The following ELK4 variants were observed in gnomAD, a reference collection of about 807,000 sequenced individuals.
ELK4 encodes the protein ETS transcription factor ELK4, also known as ETS domain-containing protein Elk-4.
A neutral mutation model predicts 29.6 loss-of-function variants in ELK4; 16 were observed. The ratio of observed to expected loss-of-function variants is 0.54; its 90% CI spans 0.37 to 0.82. The LOEUF (loss-of-function observed/expected upper bound fraction) is 0.82. Among genes scored for constraint, ELK4 ranks in the 40% least tolerant of loss-of-function variants. The probability of loss-of-function intolerance (pLI) is 0.00; values close to 1 mark genes in which losing one functional copy is unlikely to be tolerated. For missense variants in ELK4, 465 were observed against 507.1 expected (o/e 0.92, Z 0.80); for synonymous variants, 213 against 191.1 (o/e 1.11, Z -0.95).
Position 205,614,722 on chromosome 1 carries a change from C to T in ELK4, c.*1824G>A, listed in dbSNP as rs1670204098. 8.9e-6 allele frequency: 2 copies of T among 225,046 alleles called. No homozygotes were observed. The highest frequency in any genetic ancestry group is 2.2e-5 in the African/African-American group (1 of 44,946). The allele number at this position is 225,046 out of a possible 1,614,324, so 13.9% of individuals were successfully genotyped here. On this transcript the variant is annotated 3_prime_UTR_variant, in exon 5 of 5. Transcript: ENST00000357992. Reference sequence around the variant, plus strand: ...ATATAAGCACATTTAAAGTAAATACCATGCATCTGAAGATGCTAGTTTGTA... The same window carrying T: ...ATATAAGCACATTTAAAGTAAATACTATGCATCTGAAGATGCTAGTTTGTA...
intron 4 of ELK4, among the ~76,000 whole-genome samples, 187 bp from the exon 5 acceptor site, chr1:205,616,831 C>G (rs950338748): frequency 3.9e-5 from 6 of 152,164 alleles, no homozygotes; most frequent in African/African-American, 1.2e-4. Context: ...ATCTTTTGTC[C>G]TAACATATTA....
chr1:205,619,698 G>A, intron 3 of ELK4: 1 of 1,432,276 alleles, frequency 7.0e-7, no homozygotes, highest in Non-Finnish European at 9.1e-7. Context: ...GAGAGAGTGT[G>A]TGTACTTTCT....
rs1575120098 is a variant in ELK4, at chr1:205,614,699, A to G, written c.*1847T>C. The G allele has an allele frequency of 4.5e-6, 1 of 224,124 alleles. No individual in the cohort carries two copies. The highest frequency in any genetic ancestry group is 8.9e-6 in the Non-Finnish European group (1 of 112,326). 13.9% of individuals were successfully genotyped at this position (224,124 alleles called of 1,614,324 possible). ...ATACAAGAGCTTCTCTACACTGTATATAAGCACATTTAAAGTAAATACCAT... is the reference window on the plus strand; with the variant it reads ...ATACAAGAGCTTCTCTACACTGTATGTAAGCACATTTAAAGTAAATACCAT... On this transcript the variant is annotated 3_prime_UTR_variant, in exon 5 of 5. Transcript: ENST00000357992.
At position 205,620,044 on chromosome 1, in the gene ELK4, C is replaced by A. The variant is rs1670303360; in HGVS notation, c.1002G>T (p.Thr334=). 3.1e-6 allele frequency: 5 copies of A among 1,614,058 alleles called. No homozygotes were observed. The South Asian group carries it at 5.5e-5, about 18-fold the overall frequency. ...GLELAPTLVI[T]SSDPSPLGIL... is the part of the protein sequence containing the mutation. ...TTCCCAGTGGGCTTGGATCACTGCT[C>A]GTGATCACAAGGGTGGGTGCCAGTT... The change falls in exon 3 of 5, where the codon ACG becomes ACT. Residue 334 remains threonine, a synonymous_variant. Transcript: ENST00000357992.
Position 205,608,911 on chromosome 1 carries a change from C to A in ELK4, c.*7635G>T, listed in dbSNP as rs898296256. 3 of 193,276 alleles carry A rather than the reference C, an allele frequency of 1.6e-5. No homozygotes were observed. The highest frequency in any genetic ancestry group is 3.2e-5 in the Non-Finnish European group (3 of 92,670). 12.0% of individuals were successfully genotyped at this position (193,276 alleles called of 1,614,324 possible). ...ATAACATATCTCTCCTGTGTTAACA[C>A]TGATGGAGACGCACTGCAATAGTCC... On this transcript the variant is annotated 3_prime_UTR_variant, in exon 5 of 5. Transcript: ENST00000357992.
intron 4 of ELK4, among the ~76,000 whole-genome samples, chr1:205,617,508 A>T (rs59862342): frequency 0.024 from 3,675 of 152,002 alleles, 172 homozygotes; most frequent in African/African-American, 0.083. Context: ...CATTTTTTTA[A>T]AAATGTACAT....
chr1:205,631,139 G>A (rs1670575505), intron 1 of ELK4, among the ~76,000 whole-genome samples: 1 of 152,224 alleles, frequency 6.6e-6, no homozygotes, highest in Admixed American at 6.5e-5. Flanking sequence ...GAGGGGCGGG[G>A]GGCCGCTGGA....
intron 4 of ELK4, among the ~76,000 whole-genome samples, chr1:205,617,674 G>A (rs1335469265): frequency 1.3e-5 from 2 of 151,958 alleles, no homozygotes; most frequent in Non-Finnish European, 2.9e-5. Flanking sequence ...GGCTGAGGCG[G>A]GCGGATCACC....
chr1:205,628,664 C>A (rs944479357), intron 1 of ELK4, among the ~76,000 whole-genome samples: 1 of 152,168 alleles, frequency 6.6e-6, no homozygotes, highest in African/African-American at 2.4e-5. Flanking sequence ...ATAATGAGCA[C>A]CCAAGGAGAC....
In ELK4 at chr1:205,608,312, A is replaced by T. The variant is rs938788718; in HGVS notation, c.*8234T>A. 1 of 198,450 alleles carries T rather than the reference A, an allele frequency of 5.0e-6. No homozygotes were observed. Among genetic ancestry groups the T allele is most frequent in the African/African-American group, 2.3e-5 (1 of 43,378 alleles). The allele number at this position is 198,450 out of a possible 1,614,324, so 12.3% of individuals were successfully genotyped here. On this transcript the variant is annotated 3_prime_UTR_variant, in exon 5 of 5. Coordinates refer to ENST00000357992, the MANE Select transcript of ELK4 (RefSeq NM_001973.4). ...TTTTTCAAGCAGCATATTATTATAA[A>T]GCCCTCAAAGTGCTTTTGCATCCTT...
chr1:205,621,058 G>A (rs1039273714), intron 2 of ELK4, among the ~76,000 whole-genome samples: 2 of 151,906 alleles, frequency 1.3e-5, no homozygotes, highest in African/African-American at 4.8e-5. Flanking sequence ...TGCAGGGCAT[G>A]GTGGCGTGCG....
intron 4 of ELK4, among the ~76,000 whole-genome samples, chr1:205,617,489 G>A (rs540887866): frequency 3.9e-5 from 6 of 151,928 alleles, no homozygotes; most frequent in East Asian, 1.9e-4. Flanking sequence ...TTGGTGAAGA[G>A]ATAATATTCA....
chr1:205,617,590 C>G (rs1019944786), intron 4 of ELK4, among the ~76,000 whole-genome samples: 9 of 151,514 alleles, frequency 5.9e-5, no homozygotes, highest in Admixed American at 5.9e-4. Context: ...TTTTCAAGAC[C>G]TTTCTCTATT....
Position 205,611,766 on chromosome 1 carries a change from T to G in ELK4, c.*4780A>C, listed in dbSNP as rs187990763. On this transcript the variant is annotated 3_prime_UTR_variant, in exon 5 of 5. Coordinates refer to ENST00000357992, the MANE Select transcript of ELK4 (RefSeq NM_001973.4). Reference sequence around the variant, plus strand: ...CCAGATTTCTGCACAGAGACCTGCATTGGTCTCCAAACTTGTTTTCATACC... The same window carrying G: ...CCAGATTTCTGCACAGAGACCTGCAGTGGTCTCCAAACTTGTTTTCATACC... 9 of 194,778 alleles carry G rather than the reference T, an allele frequency of 4.6e-5. No homozygotes were observed. In the East Asian group the frequency reaches 7.3e-4, roughly 16 times the overall value. The allele number at this position is 194,778 out of a possible 1,614,324, so 12.1% of individuals were successfully genotyped here.
At position 205,616,200 on chromosome 1, in the gene ELK4, T is replaced by G. The variant is rs1558019673; in HGVS notation, c.*346A>C. 7.5e-6 allele frequency: 2 copies of G among 265,334 alleles called. No individual in the cohort carries two copies. Among genetic ancestry groups the G allele is most frequent in the Non-Finnish European group, 1.5e-5 (2 of 136,548 alleles). The allele number at this position is 265,334 out of a possible 1,614,324, so 16.4% of individuals were successfully genotyped here. ...TAGCCAGAAGGAGTAACTTTGTTCT[T>G]AATTGCTTTTGCAAAGCACAGTCAC... On this transcript the variant is annotated 3_prime_UTR_variant, in exon 5 of 5. Transcript: ENST00000357992.
At chr1:205,623,202 G>A (rs537712159) in intron 2 of ELK4, among the ~76,000 whole-genome samples, 7 of 151,034 alleles carry the variant, frequency 4.6e-5, no homozygotes, top group African/African-American at 1.5e-4. Context: ...AGATTCAGCC[G>A]GAACATTTAT....
At chr1:205,618,036 GTTT>G (rs761856280) in intron 4 of ELK4, among the ~76,000 whole-genome samples, 1 of 151,248 alleles carries the variant, frequency 6.6e-6, no homozygotes, top group African/African-American at 2.4e-5. Flanking sequence ...TGTGGATTTT[GTTT>G]TTTTGAGACA....
chr1:205,622,040 C>G (rs1204121557), intron 2 of ELK4, among the ~76,000 whole-genome samples: 1 of 151,694 alleles, frequency 6.6e-6, no homozygotes, highest in Non-Finnish European at 1.5e-5. Flanking sequence ...ATGGTGAAAC[C>G]CCATCTCTAC....
At chr1:205,617,862 T>C (rs1011626496) in intron 4 of ELK4, among the ~76,000 whole-genome samples, 1 of 151,864 alleles carries the variant, frequency 6.6e-6, no homozygotes, top group Non-Finnish European at 1.5e-5. Flanking sequence ...GATCGTGCCA[T>C]TGCATTCTGG....
Sources: gnomAD v4.1 joint callset for allele counts (sites outside exome capture counted in the v4.1 genomes callset) on GRCh38, gnomAD v4.1.1 for gene constraint, MANE v1.5 for transcripts, NCBI Gene and HGNC (gene_info 2026-07-23, HGNC 2026-07-21) for gene names.